Variants in ATXN1 observed in about 807,000 individuals in gnomAD.
ATXN1 encodes ataxin-1.
ATXN1 carries 8 observed loss-of-function variants against 56.4 expected under a neutral mutation model. The ratio of observed to expected loss-of-function variants is 0.14; its 90% CI spans 0.08 to 0.26. The LOEUF is 0.26. ATXN1 is among the 10% of genes least tolerant of loss of function. The pLI, the probability that ATXN1 is intolerant of heterozygous loss-of-function variation, is 1.00. For missense variants in ATXN1, 987 were observed against 1,106.5 expected (o/e 0.89, Z 1.53); for synonymous variants, 514 against 494.6 (o/e 1.04, Z -0.52).
intron 7 of ATXN1, among the ~76,000 whole-genome samples, chr6:16,319,656 A>C (rs1472334983): frequency 6.6e-6 from 1 of 152,212 alleles, no homozygotes; most frequent in Non-Finnish European, 1.5e-5. Flanking sequence ...ACACCAATGC[A>C]AGATTTTAAT....
intron 3 of ATXN1, among the ~76,000 whole-genome samples, chr6:16,621,324 G>A (rs1216896533): frequency 6.6e-6 from 1 of 152,228 alleles, no homozygotes; most frequent in African/African-American, 2.4e-5. Flanking sequence ...AGCTGCAAGA[G>A]GCTGAAATTG....
intron 3 of ATXN1, among the ~76,000 whole-genome samples, chr6:16,647,574 A>G (rs1763821990): frequency 6.6e-6 from 1 of 152,260 alleles, no homozygotes; most frequent in South Asian, 2.1e-4. Flanking sequence ...TATACAGCAC[A>G]GTGACTATGG....
intron 6 of ATXN1, among the ~76,000 whole-genome samples, chr6:16,396,387 C>T (rs2113529247): frequency 6.6e-6 from 1 of 152,108 alleles, no homozygotes; most frequent in South Asian, 2.1e-4. Flanking sequence ...CGAAACCAGC[C>T]TGGGCAACAT....
At chr6:16,442,273 A>T (rs1224036314) in intron 6 of ATXN1, among the ~76,000 whole-genome samples, 1 of 152,196 alleles carries the variant, frequency 6.6e-6, no homozygotes, top group Non-Finnish European at 1.5e-5. Context: ...GGACCCAAGG[A>T]ATATTGTTCG....
chr6:16,457,772 C>T (rs181652183), intron 6 of ATXN1, among the ~76,000 whole-genome samples: 2 of 152,186 alleles, frequency 1.3e-5, no homozygotes, highest in Non-Finnish European at 2.9e-5. Context: ...CTCCCTACAG[C>T]TCCCCTTCCT....
At chr6:16,635,957 C>T (rs563896454) in intron 3 of ATXN1, among the ~76,000 whole-genome samples, 3 of 152,260 alleles carry the variant, frequency 2.0e-5, no homozygotes, top group South Asian at 2.1e-4. Flanking sequence ...TTCAAGGTTC[C>T]GGTTTCCCCA....
intron 6 of ATXN1, among the ~76,000 whole-genome samples, chr6:16,337,685 C>T (rs1761154575): frequency 2.0e-5 from 3 of 152,230 alleles, no homozygotes; most frequent in African/African-American, 7.2e-5. Flanking sequence ...TCCAGGTTAG[C>T]TACCCGGGGG....
chr6:16,362,645 G>C (rs970948533), intron 6 of ATXN1, among the ~76,000 whole-genome samples: 3 of 152,252 alleles, frequency 2.0e-5, no homozygotes, highest in African/African-American at 7.2e-5. Context: ...ATGTTGGGCA[G>C]AGAGACACTT....
intron 6 of ATXN1, among the ~76,000 whole-genome samples, chr6:16,363,373 C>T (rs1761853848): frequency 1.3e-5 from 2 of 152,188 alleles, no homozygotes; most frequent in Admixed American, 6.5e-5. Context: ...GTAATAACTG[C>T]TGAGGACTTC....
chr6:16,605,268 G>A (rs1334995678), intron 3 of ATXN1, among the ~76,000 whole-genome samples: 1 of 152,134 alleles, frequency 6.6e-6, no homozygotes, highest in Non-Finnish European at 1.5e-5. Context: ...TTTGTGATGC[G>A]TGTAATTGCA....
chr6:16,559,063 C>G (rs1025833158), intron 4 of ATXN1, among the ~76,000 whole-genome samples: 1 of 151,906 alleles, frequency 6.6e-6, no homozygotes, highest in Admixed American at 6.6e-5. Context: ...TAACAGAAAC[C>G]CATATTAAAG....
intron 7 of ATXN1, among the ~76,000 whole-genome samples, chr6:16,316,155 T>C (rs558391623): frequency 1.3e-5 from 2 of 152,266 alleles, no homozygotes; most frequent in African/African-American, 2.4e-5. Context: ...GTGAACCCTA[T>C]TGTAAACTGC....
rs754770852 is a variant in ATXN1 at position 16,554,004 on chromosome 6, G to GT, written c.-360-31317dup. Among the ~76,000 whole-genome samples the GT allele has an allele frequency of 1.1e-3, 166 of 152,320 alleles. 1 individual carries two copies. The highest frequency in any genetic ancestry group is 1.7e-3 in the Non-Finnish European group (119 of 68,024). Reference sequence around the variant, plus strand: ...CATCTTTGAAGGACAGGGCAGCACTGTGAGTCTCCATTTTCATGGAGTGCT... The same window carrying GT: ...CATCTTTGAAGGACAGGGCAGCACTGTTGAGTCTCCATTTTCATGGAGTGCT... On this transcript the variant is annotated intron_variant, in intron 4 of 7. Transcript: ENST00000436367.
intron 2 of ATXN1, among the ~76,000 whole-genome samples, chr6:16,736,261 T>A (rs544948202): frequency 2.9e-4 from 44 of 152,292 alleles, no homozygotes; most frequent in African/African-American, 1.0e-3. Context: ...TTTAGAAACA[T>A]AAAGGAACTG....
intron 6 of ATXN1, among the ~76,000 whole-genome samples, chr6:16,354,651 T>C (rs138733884): frequency 6.8e-4 from 104 of 152,278 alleles, no homozygotes; most frequent in Non-Finnish European, 1.1e-3. Context: ...AGTTTTTAGA[T>C]ATTTAGAGGA....
intron 6 of ATXN1, among the ~76,000 whole-genome samples, chr6:16,481,378 T>C (rs907511887): frequency 6.6e-6 from 1 of 152,082 alleles, no homozygotes; most frequent in Non-Finnish European, 1.5e-5. Flanking sequence ...TTGCTCTTAT[T>C]AGAGTGTGCG....
intron 4 of ATXN1, among the ~76,000 whole-genome samples, chr6:16,551,749 A>ATAG (rs1392064900): frequency 6.6e-6 from 1 of 152,134 alleles, no homozygotes; most frequent in African/African-American, 2.4e-5. Flanking sequence ...TGCCTGCTGC[A>ATAG]CGTCTCTACA....
chr6:16,538,687 G>GT (rs1429664946), intron 4 of ATXN1, among the ~76,000 whole-genome samples: 5 of 150,756 alleles, frequency 3.3e-5, no homozygotes, highest in Non-Finnish European at 7.4e-5. Flanking sequence ...GGGGTGTTTG[G>GT]TTTTTTGTCC....
At chr6:16,521,093 CA>C (rs796639234) in intron 5 of ATXN1, among the ~76,000 whole-genome samples, 42 of 152,182 alleles carry the variant, frequency 2.8e-4, no homozygotes, top group African/African-American at 1.0e-3. Flanking sequence ...TAAATGAACA[CA>C]ATTTGAAGCC....
Sources: gnomAD v4.1 joint callset for allele counts (sites outside exome capture counted in the v4.1 genomes callset) on GRCh38, gnomAD v4.1.1 for gene constraint, MANE v1.5 for transcripts, NCBI Gene and HGNC (gene_info 2026-07-23, HGNC 2026-07-21) for gene names.